Variants in COMMD10 observed in about 807,000 individuals in gnomAD.
COMMD10 encodes the protein COMM domain containing 10, also known as COMM domain-containing protein 10.
COMMD10 carries 33 observed loss-of-function variants against 28.9 expected under a neutral mutation model. The ratio of observed to expected loss-of-function variants is 1.14; its 90% confidence interval spans 0.87 to 1.53. The LOEUF (loss-of-function observed/expected upper bound fraction) is 1.53. COMMD10 is among the 40% of genes most tolerant of loss of function. The probability of loss-of-function intolerance (pLI) is 0.00; values close to 1 mark genes in which losing one functional copy is unlikely to be tolerated. For synonymous variants in COMMD10, 110 were observed against 81.7 expected, an observed-to-expected ratio of 1.35 and a Z score of -1.87; for missense variants, 310 against 233.4, an observed-to-expected ratio of 1.33 and a Z score of -2.14.
chr5:116,230,310 G>A (rs963601009), intron 5 of COMMD10, among the ~76,000 whole-genome samples: 2 of 151,942 alleles, frequency 1.3e-5, no homozygotes, highest in Admixed American at 1.3e-4. Flanking sequence ...AGATTGAGCC[G>A]GGGAACCTTC....
At chr5:116,196,255 C>T (rs548635312) in intron 5 of COMMD10, among the ~76,000 whole-genome samples, 46 of 152,150 alleles carry the variant, frequency 3.0e-4, no homozygotes, top group Non-Finnish European at 6.0e-4. Flanking sequence ...AATGGAAAAC[C>T]GACCATTGTG....
At chr5:116,190,042 G>A (rs1416295110) in intron 5 of COMMD10, among the ~76,000 whole-genome samples, 8 of 152,080 alleles carry the variant, frequency 5.3e-5, no homozygotes, top group Admixed American at 3.3e-4. Flanking sequence ...CAATCAGCAC[G>A]CTTTATCTCC....
At chr5:116,186,548 T>A (rs1748144806) in intron 5 of COMMD10, among the ~76,000 whole-genome samples, 1 of 152,082 alleles carries the variant, frequency 6.6e-6, no homozygotes, top group Non-Finnish European at 1.5e-5. Context: ...CTGAAGGAGG[T>A]TTACCTTGAC....
chr5:116,265,442 G>T (rs1291076368), intron 5 of COMMD10, among the ~76,000 whole-genome samples: 1 of 151,346 alleles, frequency 6.6e-6, no homozygotes, highest in Non-Finnish European at 1.5e-5. Context: ...TAATTTATTG[G>T]GACATTTACA....
At chr5:116,248,783 C>T (rs1351214354) in intron 5 of COMMD10, among the ~76,000 whole-genome samples, 2 of 151,794 alleles carry the variant, frequency 1.3e-5, no homozygotes, top group Non-Finnish European at 2.9e-5. Flanking sequence ...TGAAGCAACT[C>T]ATGTATGTTG....
chr5:116,150,424 T>C (rs1580492206), intron 5 of COMMD10, among the ~76,000 whole-genome samples: 2 of 152,190 alleles, frequency 1.3e-5, no homozygotes, highest in East Asian at 3.8e-4. Context: ...GGGGATGGCA[T>C]TGAATGTATA....
intron 5 of COMMD10, among the ~76,000 whole-genome samples, chr5:116,190,048 T>A (rs1748301584): frequency 6.6e-6 from 1 of 152,164 alleles, no homozygotes; most frequent in African/African-American, 2.4e-5. Context: ...GCACGCTTTA[T>A]CTCCTTCAAC....
At chr5:116,218,999 G>A (rs764795841) in intron 5 of COMMD10, among the ~76,000 whole-genome samples, 5 of 152,148 alleles carry the variant, frequency 3.3e-5, no homozygotes, top group Admixed American at 2.6e-4. Flanking sequence ...CATAAGGATA[G>A]GGCTATTATC....
chr5:116,232,567 A>G (rs565608836), intron 5 of COMMD10, among the ~76,000 whole-genome samples: 1 of 152,020 alleles, frequency 6.6e-6, no homozygotes, highest in East Asian at 1.9e-4. Context: ...TGGACGTGGT[A>G]GCGGGTGCCT....
intron 5 of COMMD10, among the ~76,000 whole-genome samples, chr5:116,232,009 T>G (rs1749541838): frequency 6.6e-6 from 1 of 152,144 alleles, no homozygotes. Flanking sequence ...TTAGTTGTAG[T>G]CAGCTGCACC....
At chr5:116,243,634 A>G (rs558355617) in intron 5 of COMMD10, among the ~76,000 whole-genome samples, 1 of 152,286 alleles carries the variant, frequency 6.6e-6, no homozygotes, top group East Asian at 1.9e-4. Context: ...CGAAGTGAGT[A>G]TTCAGTAAAT....
chr5:116,158,078 T>G (rs1425191160), intron 5 of COMMD10, among the ~76,000 whole-genome samples: 1 of 151,416 alleles, frequency 6.6e-6, no homozygotes, highest in African/African-American at 2.4e-5. Flanking sequence ...TTGTTAACTC[T>G]CCAAGGCCTT....
chr5:116,085,442 G>C, intron 1 of COMMD10: 2 of 308,628 alleles, frequency 6.5e-6, no homozygotes, highest in Non-Finnish European at 6.0e-6. Context: ...CACGTGGAAC[G>C]GTATTCCGTT....
intron 4 of COMMD10, among the ~76,000 whole-genome samples, chr5:116,098,413 T>C (rs1294148487): frequency 1.3e-5 from 2 of 152,222 alleles, no homozygotes; most frequent in Non-Finnish European, 2.9e-5. Flanking sequence ...CAGCCCTCTG[T>C]ATCCCTGGAT....
At chr5:116,167,614 T>G (rs972537779) in intron 5 of COMMD10, among the ~76,000 whole-genome samples, 1 of 151,904 alleles carries the variant, frequency 6.6e-6, no homozygotes. Flanking sequence ...GGGAAGCCCA[T>G]CAGACTAACA....
At chr5:116,187,408 GTA>G (rs796197444) in intron 5 of COMMD10, among the ~76,000 whole-genome samples, 13 of 152,194 alleles carry the variant, frequency 8.5e-5, no homozygotes, top group African/African-American at 2.4e-4. Flanking sequence ...GTATACATAT[GTA>G]TAGAGATTGC....
In COMMD10 at chr5:116,285,015, A is replaced by G. The variant is rs1321585435; in HGVS notation, c.511-6502A>G. ...ACCTTCTGTACATTTTATGACAGGT[A>G]AAAAATGAAGTTAGTTGATTCTGGT... On this transcript the variant is annotated intron_variant, in intron 5 of 6. Transcript: ENST00000274458. Among the ~76,000 whole-genome samples, 6 of 151,548 alleles carry G rather than the reference A, an allele frequency of 4.0e-5. 1 individual carries two copies. The highest frequency in any genetic ancestry group is 5.9e-5 in the Non-Finnish European group (4 of 67,952).
intron 5 of COMMD10, among the ~76,000 whole-genome samples, chr5:116,258,756 C>G (rs998127240): frequency 2.0e-5 from 3 of 151,432 alleles, no homozygotes; most frequent in African/African-American, 7.3e-5. Context: ...GAATTTTTAT[C>G]CTTGGGGTTT....
At chr5:116,118,025 G>A (rs919552690) in intron 4 of COMMD10, among the ~76,000 whole-genome samples, 1 of 152,102 alleles carries the variant, frequency 6.6e-6, no homozygotes, top group African/African-American at 2.4e-5. Context: ...TACATGCCCT[G>A]TTGTCTCCTC....
Sources: allele counts gnomAD v4.1 joint callset (sites outside exome capture counted in the v4.1 genomes callset), GRCh38; gene constraint gnomAD v4.1.1; transcripts MANE v1.5; gene names NCBI Gene and HGNC (gene_info 2026-07-23, HGNC 2026-07-21).